ARHGAP17: variants seen among roughly 807,000 people sequenced by gnomAD.
ARHGAP17 encodes Rho GTPase activating protein 17, also known as rho GTPase-activating protein 17.
ARHGAP17 carries 57 observed loss-of-function variants against 99.5 expected under a neutral mutation model. The ratio of observed to expected loss-of-function variants is 0.57; its 90% CI spans 0.46 to 0.71. The LOEUF is 0.71. Among genes scored for constraint, ARHGAP17 ranks in the 30% least tolerant of loss-of-function variants. The pLI is 0.00. For synonymous variants in ARHGAP17, 417 were observed against 429.6 expected (o/e 0.97, Z 0.36); for missense variants, 1,000 against 1,122.4 (o/e 0.89, Z 1.56).
chr16:24,926,733 A>G (rs1186224694), intron 19 of ARHGAP17, among the ~76,000 whole-genome samples: 1 of 152,214 alleles, frequency 6.6e-6, no homozygotes, highest in Non-Finnish European at 1.5e-5. Flanking sequence ...TCTCAGGCTC[A>G]CTAAATTATA....
Position 24,968,275 on chromosome 16 carries a change from T to C in ARHGAP17, c.461+76A>G, listed in dbSNP as rs1177489381. 2.5e-5 allele frequency: 38 copies of C among 1,528,500 alleles called. No individual in the cohort carries two copies. In the South Asian group the frequency reaches 3.6e-4, roughly 14 times the overall value. 94.7% of individuals were successfully genotyped at this position (1,528,500 alleles called of 1,614,324 possible). A position where few individuals can be genotyped will look rare whatever the true frequency, so the allele number is the denominator to read the frequency against. ...TGCACGAATTGGTGAGCACTTCCAT[T>C]GTGTCCACTGTCAGTGGTCTTCTCC... On this transcript the variant is annotated intron_variant, in intron 6 of 19. Transcript: ENST00000289968.
In ARHGAP17 at chr16:24,968,741, T is replaced by C; in HGVS notation, c.304A>G (p.Asn102Asp). 1.2e-6 allele frequency: 2 copies of C among 1,614,214 alleles called. No homozygotes were observed. The highest frequency in any genetic ancestry group is 1.7e-5 in the Admixed American group (1 of 60,030). Residue 102 changes from asparagine to aspartate, a missense_variant, in exon 5 of 20, where the codon AAT (asparagine) becomes GAT (aspartate). Coordinates refer to ENST00000289968, the MANE Select transcript of ARHGAP17 (RefSeq NM_001006634.3). ...TGGGAGAGCTCGAGAGCCAGCTGAT[T>C]CTCAGCATCTCCACACGTCTCCAGC... ...KMLETCGDAENQLALELSQHE... is the reference protein window; with the variant it reads ...KMLETCGDAEDQLALELSQHE...
At chr16:25,005,091 T>G (rs1304543180) in intron 1 of ARHGAP17, among the ~76,000 whole-genome samples, 1 of 152,204 alleles carries the variant, frequency 6.6e-6, no homozygotes, top group African/African-American at 2.4e-5. Flanking sequence ...AATTTTCGTA[T>G]TTTTAGTAGA....
intron 16 of ARHGAP17, among the ~76,000 whole-genome samples, chr16:24,940,139 A>G (rs2051271392): frequency 6.6e-6 from 1 of 152,044 alleles, no homozygotes; most frequent in African/African-American, 2.4e-5. Context: ...GCCCAGGCTG[A>G]TGTCAAACTC....
intron 17 of ARHGAP17, chr16:24,936,657 G>A (rs1331386745): frequency 6.6e-6 from 1 of 150,606 alleles, no homozygotes; most frequent in Non-Finnish European, 1.5e-5. Context: ...CGTGAGTCAA[G>A]ATCATGCCAC....
intron 18 of ARHGAP17, among the ~76,000 whole-genome samples, chr16:24,932,908 G>A (rs1728839173): frequency 6.6e-6 from 1 of 152,058 alleles, no homozygotes; most frequent in South Asian, 2.1e-4. Context: ...AAATGAACAT[G>A]TATCACTCTT....
intron 17 of ARHGAP17, chr16:24,936,118 G>A (rs1243970565): frequency 4.0e-6 from 1 of 247,970 alleles, no homozygotes; most frequent in East Asian, 1.1e-4. Flanking sequence ...GCTTTTACAT[G>A]TTGACATATA....
At chr16:24,933,443 C>A (rs1330541315) in intron 18 of ARHGAP17, among the ~76,000 whole-genome samples, 1 of 151,260 alleles carries the variant, frequency 6.6e-6, no homozygotes. Context: ...TATCACGCCA[C>A]TGCATTCCAG....
At chr16:24,923,003 C>T (rs189208940) in intron 19 of ARHGAP17, among the ~76,000 whole-genome samples, 55 of 152,250 alleles carry the variant, frequency 3.6e-4, no homozygotes, top group Admixed American at 1.1e-3. Context: ...CTATAGAGCA[C>T]TTACTTACAC....
chr16:25,013,277 A>G (rs187049116), intron 1 of ARHGAP17, among the ~76,000 whole-genome samples: 1 of 152,250 alleles, frequency 6.6e-6, no homozygotes, highest in Admixed American at 6.5e-5. Context: ...AGCAGGTAAG[A>G]AAGCAAGACC....
At chr16:24,965,239 G>T (rs2052141497) in intron 6 of ARHGAP17, among the ~76,000 whole-genome samples, 1 of 152,198 alleles carries the variant, frequency 6.6e-6, no homozygotes, top group Admixed American at 6.5e-5. Context: ...GGGAAGCCGA[G>T]GTGGGCGGAT....
chr16:24,970,401 C>A, intron 4 of ARHGAP17, 106 bp downstream of exon 4: 1 of 1,055,850 alleles, frequency 9.5e-7, no homozygotes, highest in Non-Finnish European at 1.5e-6. Context: ...ATGAGCCATG[C>A]CATCAACGCT....
chr16:24,994,738 G>A (rs1032316667), intron 1 of ARHGAP17, among the ~76,000 whole-genome samples: 2 of 152,156 alleles, frequency 1.3e-5, no homozygotes, highest in African/African-American at 4.8e-5. Context: ...ATTGCCCAGG[G>A]TTTCCCACCT....
At chr16:24,984,230 C>A (rs550553569) in intron 1 of ARHGAP17, among the ~76,000 whole-genome samples, 1 of 152,126 alleles carries the variant, frequency 6.6e-6, no homozygotes, top group African/African-American at 2.4e-5. Flanking sequence ...CAAGTCCCCG[C>A]GATCAATGCA....
chr16:24,944,591 T>C (rs1193265872), intron 14 of ARHGAP17, among the ~76,000 whole-genome samples: 7 of 152,162 alleles, frequency 4.6e-5, no homozygotes, highest in Non-Finnish European at 1.5e-5. Context: ...CATGCATTGT[T>C]ACAGTGTGCC....
chr16:24,952,322 A>G lies in ARHGAP17; in HGVS notation c.1013T>C (p.Phe338Ser). 6.2e-7 allele frequency: 1 copy of G among 1,613,456 alleles called. No individual in the cohort carries two copies. The highest frequency in any genetic ancestry group is 1.1e-5 in the South Asian group (1 of 91,002). The change falls in exon 12 of 20, where the codon TTT (phenylalanine) becomes TCT (serine). Residue 338 changes from phenylalanine to serine, a missense_variant. Physicochemically the swap from Phe to Ser is radical, Grantham distance 155. Transcript: ENST00000289968. ...LRELPEPLMT[F>S]NLYEEWTQVA... ...TTGTGTCCATTCTTCATACAGATTA[A>G]AAGTCATCAAAGGTTCAGGCAATTC... is the stretch of plus-strand genomic sequence containing the variant.
chr16:25,006,400 A>T (rs1021050545), intron 1 of ARHGAP17, among the ~76,000 whole-genome samples: 1 of 150,720 alleles, frequency 6.6e-6, no homozygotes, highest in African/African-American at 2.4e-5. Context: ...CAGTGAGCCG[A>T]GATCATGCCA....
chr16:24,932,670 A>G (rs772705540), intron 18 of ARHGAP17, among the ~76,000 whole-genome samples: 4 of 152,126 alleles, frequency 2.6e-5, no homozygotes, highest in African/African-American at 9.7e-5. Flanking sequence ...GAGTTGCCTT[A>G]GAATTATTTC....
chr16:24,922,802 A>T (rs929939688), intron 19 of ARHGAP17, among the ~76,000 whole-genome samples: 53 of 152,066 alleles, frequency 3.5e-4, no homozygotes, highest in African/African-American at 1.2e-3. Flanking sequence ...CAGCCTCCCG[A>T]GTAGCTAGGA....
Sources: allele counts gnomAD v4.1 joint callset (sites outside exome capture counted in the v4.1 genomes callset), GRCh38; gene constraint gnomAD v4.1.1; transcripts MANE v1.5; gene names NCBI Gene and HGNC (gene_info 2026-07-23, HGNC 2026-07-21).